Variants in LUZP2 observed in about 807,000 individuals in gnomAD.
LUZP2 encodes leucine zipper protein 2.
A neutral mutation model predicts 51.6 loss-of-function variants in LUZP2; 52 were observed. The ratio of observed to expected loss-of-function variants is 1.01; its 90% CI spans 0.81 to 1.27. The LOEUF is 1.27. Among genes scored for constraint, LUZP2 ranks in the 50% most tolerant of loss-of-function variants. LUZP2 has a pLI of 0.00. For synonymous variants in LUZP2, 154 were observed against 137.3 expected, an observed-to-expected ratio of 1.12 and a Z score of -0.85; for missense variants, 436 against 395.4, an observed-to-expected ratio of 1.10 and a Z score of -0.87.
At position 24,609,097 on chromosome 11, in the gene LUZP2, A is replaced by G. The variant is rs997806018; in HGVS notation, c.62+111792A>G. Among the ~76,000 whole-genome samples, 17 of 152,250 alleles carry G rather than the reference A, an allele frequency of 1.1e-4. 1 individual carries two copies. The highest frequency in any genetic ancestry group is 1.1e-3 in the Admixed American group (17 of 15,292). On this transcript the variant is annotated intron_variant, in intron 1 of 11. Transcript: ENST00000336930. ...ACCCAGCCTGGACTTGTAGGTTGGA[A>G]ACTATCCCATTTGTGATAGGCTTAG... is the stretch of plus-strand genomic sequence containing the variant.
At chr11:25,068,622 T>A (rs1859064486) in intron 10 of LUZP2, among the ~76,000 whole-genome samples, 1 of 152,006 alleles carries the variant, frequency 6.6e-6, no homozygotes, top group Admixed American at 6.6e-5. Flanking sequence ...TATGTAATGA[T>A]CGCTGTAGAG....
chr11:24,635,076 G>T (rs935652036), intron 1 of LUZP2, among the ~76,000 whole-genome samples: 1 of 151,978 alleles, frequency 6.6e-6, no homozygotes, highest in African/African-American at 2.4e-5. Context: ...ATTATTTAAT[G>T]GGTAAAATGT....
chr11:24,873,424 T>G (rs1022552634), intron 5 of LUZP2, among the ~76,000 whole-genome samples: 2 of 152,200 alleles, frequency 1.3e-5, no homozygotes, highest in African/African-American at 4.8e-5. Flanking sequence ...TTGGAGTTTG[T>G]GTGAATTGTT....
intron 5 of LUZP2, among the ~76,000 whole-genome samples, chr11:24,897,001 C>T (rs79757323): frequency 0.045 from 6,845 of 151,902 alleles, 491 homozygotes; most frequent in African/African-American, 0.15. Context: ...GTGTCTAGCT[C>T]AAGGTGTGTA....
chr11:24,558,830 G>A (rs1396854), intron 1 of LUZP2, among the ~76,000 whole-genome samples: 6,499 of 152,184 alleles, frequency 0.043, 426 homozygotes, highest in African/African-American at 0.15. Flanking sequence ...CAGACACCCC[G>A]TTGGATCATT....
chr11:24,669,627 C>T (rs1170567369), intron 1 of LUZP2, among the ~76,000 whole-genome samples: 3 of 152,010 alleles, frequency 2.0e-5, no homozygotes, highest in South Asian at 4.1e-4. Context: ...GAGAAGAGAG[C>T]ACATTGTTTG....
At chr11:24,942,384 G>C (rs1854777440) in intron 7 of LUZP2, among the ~76,000 whole-genome samples, 1 of 152,150 alleles carries the variant, frequency 6.6e-6, no homozygotes, top group South Asian at 2.1e-4. Flanking sequence ...GGTCAGTCCT[G>C]AGTTTCAGTC....
intron 5 of LUZP2, among the ~76,000 whole-genome samples, chr11:24,861,041 G>A (rs1843698): frequency 0.99 from 151,189 of 152,288 alleles, 75,052 homozygotes; most frequent in Middle Eastern, 1. Context: ...AACCCAATGC[G>A]AAGAAGCTAA....
intron 1 of LUZP2, among the ~76,000 whole-genome samples, chr11:24,660,995 G>A (rs1210774437): frequency 6.6e-6 from 1 of 152,096 alleles, no homozygotes. Flanking sequence ...CTGCATGGAA[G>A]AGAGCCGTAC....
chr11:24,805,099 G>T (rs113742220), intron 5 of LUZP2, among the ~76,000 whole-genome samples: 5,416 of 151,272 alleles, frequency 0.036, 287 homozygotes, highest in African/African-American at 0.12. Context: ...GGAAGAAAAA[G>T]TGGTTTAATC....
chr11:24,959,545 G>T (rs1855328913), intron 7 of LUZP2, among the ~76,000 whole-genome samples: 1 of 151,192 alleles, frequency 6.6e-6, no homozygotes, highest in Admixed American at 6.6e-5. Flanking sequence ...CTCATGATTT[G>T]GCTGTTTGTC....
At position 24,840,249 on chromosome 11, in the gene LUZP2, C is replaced by T. The variant is rs1850987283; in HGVS notation, c.397-65742C>T. 3.3e-5 allele frequency among the ~76,000 whole-genome samples: 5 copies of T among 151,762 alleles called. No homozygotes were observed. In the South Asian group the frequency reaches 1.0e-3, roughly 31 times the overall value. On this transcript the variant is annotated intron_variant, in intron 5 of 11. Coordinates refer to ENST00000336930, the MANE Select transcript of LUZP2 (RefSeq NM_001009909.4). Reference sequence around the variant, plus strand: ...TATGTCTATACCTTCCACGCTTAGGCTTAAAACATAGTAACATTTATCCCA... The same window carrying T: ...TATGTCTATACCTTCCACGCTTAGGTTTAAAACATAGTAACATTTATCCCA...
intron 5 of LUZP2, among the ~76,000 whole-genome samples, chr11:24,805,699 G>A (rs1332936781): frequency 6.6e-6 from 1 of 152,062 alleles, no homozygotes; most frequent in Non-Finnish European, 1.5e-5. Flanking sequence ...AGGTTTTCTA[G>A]CCCATCGTTT....
intron 7 of LUZP2, among the ~76,000 whole-genome samples, chr11:24,952,392 A>C (rs1320579127): frequency 2.0e-5 from 3 of 151,750 alleles, no homozygotes; most frequent in Non-Finnish European, 2.9e-5. Flanking sequence ...ATTGAAGTGA[A>C]TGGGATAAGC....
chr11:24,733,362 C>T (rs531929279), intron 3 of LUZP2, among the ~76,000 whole-genome samples: 5 of 151,816 alleles, frequency 3.3e-5, no homozygotes, highest in African/African-American at 9.6e-5. Flanking sequence ...CAATATTACA[C>T]CAGTATTTGT....
chr11:24,995,709 T>G (rs1856473984), intron 9 of LUZP2, among the ~76,000 whole-genome samples: 1 of 152,090 alleles, frequency 6.6e-6, no homozygotes. Flanking sequence ...TGCCTTGTAT[T>G]TAATATGTAT....
At chr11:24,975,442 G>A (rs1232306906) in intron 7 of LUZP2, among the ~76,000 whole-genome samples, 1 of 152,162 alleles carries the variant, frequency 6.6e-6, no homozygotes, top group African/African-American at 2.4e-5. Context: ...TGTTGTTGCT[G>A]TTGTTGTTGT....
intron 5 of LUZP2, among the ~76,000 whole-genome samples, chr11:24,781,693 G>A (rs1590515252): frequency 6.6e-6 from 1 of 151,930 alleles, no homozygotes; most frequent in Non-Finnish European, 1.5e-5. Flanking sequence ...TTGCAAACGA[G>A]CTGCTATTTT....
In LUZP2 at chr11:25,001,892, C is replaced by T. The variant is rs150641055; in HGVS notation, c.765+18599C>T. Reference sequence around the variant, plus strand: ...CTCTTTCTCTCTTTCCTTTCTGCTGCCTCTGCCAGCTGCTTGTACTGCTGT... The same window carrying T: ...CTCTTTCTCTCTTTCCTTTCTGCTGTCTCTGCCAGCTGCTTGTACTGCTGT... On this transcript the variant is annotated intron_variant, in intron 9 of 11. Coordinates refer to ENST00000336930, the MANE Select transcript of LUZP2 (RefSeq NM_001009909.4). Among the ~76,000 whole-genome samples, 60 of 152,126 alleles carry T rather than the reference C, an allele frequency of 3.9e-4. 1 individual carries two copies. The East Asian group carries it at 0.011, about 29-fold the overall frequency.
Sources: allele counts gnomAD v4.1 joint callset (sites outside exome capture counted in the v4.1 genomes callset), GRCh38; gene constraint gnomAD v4.1.1; transcripts MANE v1.5; gene names NCBI Gene and HGNC (gene_info 2026-07-23, HGNC 2026-07-21).